Variants in COL22A1 observed in about 807,000 individuals in gnomAD.
The protein encoded by COL22A1 is collagen type XXII alpha 1 chain.
COL22A1 carries 221 observed loss-of-function variants against 248.9 expected under a neutral mutation model. The ratio of observed to expected loss-of-function variants is 0.89; its 90% CI spans 0.80 to 0.99. The LOEUF is 0.99. Ranked by LOEUF, COL22A1 falls within the 50% of genes least tolerant of loss-of-function variation. COL22A1 has a pLI of 0.00. For missense variants in COL22A1, 2,240 were observed against 2,179.0 expected (o/e 1.03, Z -0.56); for synonymous variants, 891 against 793.4 (o/e 1.12, Z -2.07).
chr8:138,752,268 T>C (rs1291117868), intron 21 of COL22A1, among the ~76,000 whole-genome samples: 2 of 152,240 alleles, frequency 1.3e-5, no homozygotes, highest in Non-Finnish European at 2.9e-5. Flanking sequence ...GCTTAAGCTG[T>C]GACTCTATCA....
intron 11 of COL22A1, among the ~76,000 whole-genome samples, chr8:138,799,660 C>G (rs1563777383): frequency 6.6e-6 from 1 of 152,152 alleles, no homozygotes; most frequent in Non-Finnish European, 1.5e-5. Context: ...ATTTCTCGGT[C>G]AAACTGTCTG....
chr8:138,603,610 G>A (rs891740096), intron 59 of COL22A1, among the ~76,000 whole-genome samples: 2 of 152,122 alleles, frequency 1.3e-5, no homozygotes, highest in South Asian at 4.1e-4. Context: ...AGCACATGGG[G>A]CTGACGCAGC....
At chr8:138,781,058 C>G in intron 12 of COL22A1, 78 bp from the exon 13 acceptor site, 1 of 1,050,144 alleles carries the variant, frequency 9.5e-7, no homozygotes, top group Non-Finnish European at 1.4e-6. Context: ...CAGTGGAGAA[C>G]GTGCCAGGAA....
intron 3 of COL22A1, among the ~76,000 whole-genome samples, chr8:138,847,471 C>T (rs1394726500): frequency 1.3e-5 from 2 of 152,128 alleles, no homozygotes; most frequent in East Asian, 3.9e-4. Flanking sequence ...AGTTTTCAGC[C>T]CATGGAGAAA....
At chr8:138,703,242 A>T in intron 31 of COL22A1, 64 bp downstream of exon 31, 1 of 1,380,466 alleles carries the variant, frequency 7.2e-7, no homozygotes, top group South Asian at 1.2e-5. Flanking sequence ...CAGTTGCTGG[A>T]GGGGGAGTAC....
At chr8:138,829,181 T>A (rs1421122712) in intron 5 of COL22A1, among the ~76,000 whole-genome samples, 1 of 152,146 alleles carries the variant, frequency 6.6e-6, no homozygotes, top group Non-Finnish European at 1.5e-5. Context: ...TTCTCTGAGT[T>A]GGGATTTCAC....
chr8:138,768,920 G>A (rs962984109), intron 16 of COL22A1, among the ~76,000 whole-genome samples: 25 of 151,940 alleles, frequency 1.6e-4, no homozygotes, highest in African/African-American at 5.6e-4. Context: ...CTGGGCAATA[G>A]AGTGAGACTC....
chr8:138,604,197 G>A (rs1014116346), intron 59 of COL22A1, among the ~76,000 whole-genome samples: 28 of 152,172 alleles, frequency 1.8e-4, no homozygotes, highest in African/African-American at 6.8e-4. Flanking sequence ...GGGGAGTGGT[G>A]GGACTGTGGC....
chr8:138,727,420 C>T (rs1348280959), intron 23 of COL22A1, among the ~76,000 whole-genome samples: 1 of 152,324 alleles, frequency 6.6e-6, no homozygotes, highest in East Asian at 1.9e-4. Context: ...TCTTGTTCCC[C>T]CTGCACCTCA....
intron 3 of COL22A1, among the ~76,000 whole-genome samples, chr8:138,845,898 A>G (rs1821209532): frequency 6.6e-6 from 1 of 152,178 alleles, no homozygotes; most frequent in African/African-American, 2.4e-5. Context: ...GTTATCACAC[A>G]TTATTATTAT....
intron 12 of COL22A1, among the ~76,000 whole-genome samples, chr8:138,792,380 A>G (rs1816138607): frequency 1.3e-5 from 2 of 152,208 alleles, no homozygotes; most frequent in African/African-American, 2.4e-5. Context: ...GCTCTGAGAC[A>G]CTGGAGATCT....
chr8:138,775,952 C>A lies in COL22A1; in HGVS notation c.1803+14G>T. 1 of 1,613,490 alleles carries A rather than the reference C, an allele frequency of 6.2e-7. No homozygotes were observed. On this transcript the variant is annotated intron_variant, in intron 16 of 64. Transcript: ENST00000303045. ...GGAAAGCCGTATTGATGAATGAGTG[C>A]AGACTATAAATACCTTTTCTCCTCG...
chr8:138,708,387 T>C (rs939080495), intron 30 of COL22A1, among the ~76,000 whole-genome samples: 2 of 152,108 alleles, frequency 1.3e-5, no homozygotes, highest in African/African-American at 2.4e-5. Context: ...TTTCAAACTA[T>C]ACTAAAAGGC....
chr8:138,783,160 C>T (rs889439506), intron 12 of COL22A1, among the ~76,000 whole-genome samples: 6 of 152,078 alleles, frequency 3.9e-5, no homozygotes, highest in African/African-American at 1.4e-4. Flanking sequence ...TGAACACCAC[C>T]CCTCTGACCC....
intron 41 of COL22A1, among the ~76,000 whole-genome samples, chr8:138,673,505 G>C (rs1037755669): frequency 2.0e-5 from 3 of 152,104 alleles, no homozygotes; most frequent in Admixed American, 2.0e-4. Context: ...CACCATGCCC[G>C]GCCCCAGCCG....
chr8:138,802,393 G>A (rs796497802), intron 11 of COL22A1, among the ~76,000 whole-genome samples: 6 of 152,180 alleles, frequency 3.9e-5, no homozygotes, highest in African/African-American at 1.4e-4. Flanking sequence ...CTGGGATGGA[G>A]GAGGTGCTGT....
chr8:138,901,698 A>G (rs1814584560), intron 1 of COL22A1, among the ~76,000 whole-genome samples: 1 of 151,920 alleles, frequency 6.6e-6, no homozygotes, highest in African/African-American at 2.4e-5. Flanking sequence ...TCCTCACAAG[A>G]CCCAAAACGA....
chr8:138,830,447 G>T (rs930072998), intron 5 of COL22A1, among the ~76,000 whole-genome samples: 1 of 152,154 alleles, frequency 6.6e-6, no homozygotes, highest in African/African-American at 2.4e-5. Context: ...AAACTTCAAA[G>T]CTTTAGAAAT....
chr8:138,811,574 C>T lies in COL22A1; in HGVS notation c.1449+225G>A, dbSNP rs115132491. 6.5e-3 allele frequency among the ~76,000 whole-genome samples: 987 copies of T among 152,224 alleles called. 4 individuals carry two copies. The highest frequency in any genetic ancestry group is 0.023 in the African/African-American group (939 of 41,534). ...GGAGTAACCTGGGAAGCCTGGGGAA[C>T]GCACATTCTGCTCCTAGAAAGCTTT... is the stretch of plus-strand genomic sequence containing the variant. On this transcript the variant is annotated intron_variant, in intron 9 of 64. Transcript: ENST00000303045.
Sources: allele counts gnomAD v4.1 joint callset (sites outside exome capture counted in the v4.1 genomes callset), GRCh38; gene constraint gnomAD v4.1.1; transcripts MANE v1.5; gene names NCBI Gene and HGNC (gene_info 2026-07-23, HGNC 2026-07-21).